The following ABTB2 variants were observed in gnomAD, a reference collection of about 807,000 sequenced individuals.
ABTB2 encodes ankyrin repeat and BTB domain containing 2.
In ABTB2, 56 loss-of-function variants were observed where a neutral mutation model predicts 104.1. The ratio of observed to expected loss-of-function variants is 0.54; its 90% confidence interval spans 0.43 to 0.67. ABTB2 has a LOEUF of 0.67. Ranked by LOEUF, ABTB2 falls within the 30% of genes least tolerant of loss-of-function variation. The pLI, the probability that ABTB2 is intolerant of heterozygous loss-of-function variation, is 0.00. For synonymous variants in ABTB2, 606 were observed against 608.2 expected, an observed-to-expected ratio of 1.00 and a Z score of 0.05; for missense variants, 1,279 against 1,407.7, an observed-to-expected ratio of 0.91 and a Z score of 1.46.
At chr11:34,298,569 T>G (rs1375929642) in intron 1 of ABTB2, among the ~76,000 whole-genome samples, 3 of 152,116 alleles carry the variant, frequency 2.0e-5, no homozygotes, top group Non-Finnish European at 4.4e-5. Context: ...TTCAAACGAT[T>G]CTTGTGCCTC....
chr11:34,233,650 C>T (rs2955947), intron 1 of ABTB2, among the ~76,000 whole-genome samples: 143,723 of 151,672 alleles, frequency 0.95, 68,291 homozygotes, highest in East Asian at 1. Flanking sequence ...GTACCTGGCC[C>T]ACCTTTTTTT....
intron 1 of ABTB2, among the ~76,000 whole-genome samples, chr11:34,282,416 T>C (rs1422171484): frequency 6.6e-6 from 1 of 152,194 alleles, no homozygotes; most frequent in Admixed American, 6.5e-5. Flanking sequence ...TAAAATAGTA[T>C]TAAAAGTGAG....
chr11:34,333,936 T>C (rs138449749), intron 1 of ABTB2, among the ~76,000 whole-genome samples: 96 of 149,870 alleles, frequency 6.4e-4, no homozygotes, highest in African/African-American at 2.3e-3. Context: ...ACCCAGATGC[T>C]GGGATCTGCA....
intron 3 of ABTB2, among the ~76,000 whole-genome samples, chr11:34,184,165 G>A (rs1354477449): frequency 2.0e-5 from 3 of 151,956 alleles, no homozygotes; most frequent in East Asian, 3.9e-4. Flanking sequence ...GCACTCTCAC[G>A]AAAGGGGGAG....
intron 1 of ABTB2, among the ~76,000 whole-genome samples, chr11:34,284,946 C>A (rs923772703): frequency 6.6e-6 from 1 of 152,204 alleles, no homozygotes; most frequent in Non-Finnish European, 1.5e-5. Context: ...AGCCCAGGAC[C>A]CTGGCCAGTC....
chr11:34,294,768 T>C (rs1228148172), intron 1 of ABTB2, among the ~76,000 whole-genome samples: 1 of 129,810 alleles, frequency 7.7e-6, no homozygotes, highest in Non-Finnish European at 1.6e-5. Context: ...CAGGCTGGAA[T>C]GCAGTGGTGC....
At chr11:34,254,031 C>T (rs533439530) in intron 1 of ABTB2, among the ~76,000 whole-genome samples, 60 of 152,230 alleles carry the variant, frequency 3.9e-4, no homozygotes, top group African/African-American at 1.4e-3. Flanking sequence ...TGTAACAGTA[C>T]CCACAGCTTA....
In ABTB2 at chr11:34,152,324, C is replaced by CCCCG. The variant is rs1852553583; in HGVS notation, c.*59_*62dup. On this transcript the variant is annotated 3_prime_UTR_variant, in exon 17 of 17. Coordinates refer to ENST00000435224, the MANE Select transcript of ABTB2 (RefSeq NM_145804.3). ...GGCTCCAAGAGGGCCTACAACCATA[C>CCCCG]CCCGACATGGTGGGCCCTGGCACCT... The CCCCG allele has an allele frequency of 2.0e-6, 3 of 1,503,656 alleles. No individual in the cohort carries two copies. In the Admixed American group the frequency reaches 6.0e-5, roughly 30 times the overall value. 93.1% of individuals were successfully genotyped at this position (1,503,656 alleles called of 1,614,324 possible).
chr11:34,192,853 C>G (rs1238652356), intron 3 of ABTB2, among the ~76,000 whole-genome samples: 1 of 152,204 alleles, frequency 6.6e-6, no homozygotes, highest in African/African-American at 2.4e-5. Context: ...CGACCTCAGG[C>G]CCTCTGCACC....
chr11:34,310,826 T>TCTCA (rs1297033025), intron 1 of ABTB2, among the ~76,000 whole-genome samples: 1 of 151,290 alleles, frequency 6.6e-6, no homozygotes, highest in African/African-American at 2.4e-5. Context: ...GTCACCTGCA[T>TCTCA]CTCATATCCT....
chr11:34,178,550 C>T (rs1852984606), intron 3 of ABTB2, among the ~76,000 whole-genome samples: 2 of 152,238 alleles, frequency 1.3e-5, no homozygotes, highest in African/African-American at 2.4e-5. Flanking sequence ...GCACCATCCT[C>T]AAGATCCCAA....
intron 1 of ABTB2, among the ~76,000 whole-genome samples, chr11:34,223,140 C>A (rs115878609): frequency 5.3e-5 from 8 of 152,118 alleles, no homozygotes; most frequent in African/African-American, 1.7e-4. Context: ...CATGGACAAG[C>A]GGAGAGTGAG....
intron 10 of ABTB2, 119 bp from the exon 11 acceptor site, chr11:34,161,200 G>T (rs1041580851): frequency 9.8e-6 from 10 of 1,020,688 alleles, no homozygotes; most frequent in African/African-American, 1.9e-5. Context: ...AGAGCACCCC[G>T]CCCGCCCCCT....
intron 2 of ABTB2, among the ~76,000 whole-genome samples, chr11:34,204,023 G>A (rs1202807061): frequency 6.6e-6 from 1 of 152,242 alleles, no homozygotes; most frequent in South Asian, 2.1e-4. Context: ...GCCACATCAA[G>A]TTCCAAGTGT....
At position 34,336,031 on chromosome 11, in the gene ABTB2, A is replaced by G. The variant is rs551029984; in HGVS notation, c.883+20670T>C. 8.5e-5 allele frequency: 38 copies of G among 445,630 alleles called. 1 individual carries two copies. In the South Asian group the frequency reaches 1.3e-3, roughly 15 times the overall value. The allele number at this position is 445,630 out of a possible 1,614,324, so 27.6% of individuals were successfully genotyped here. A position where few individuals can be genotyped will look rare whatever the true frequency, so the allele number is the denominator to read the frequency against. ...TACTGGAGGGGACAGTTCACTAAATAGCTTTCCTTTGGTAAAGTTATTCCA... is the reference window on the plus strand; with the variant it reads ...TACTGGAGGGGACAGTTCACTAAATGGCTTTCCTTTGGTAAAGTTATTCCA... On this transcript the variant is annotated intron_variant, in intron 1 of 16. Coordinates refer to ENST00000435224, the MANE Select transcript of ABTB2 (RefSeq NM_145804.3).
At chr11:34,306,338 C>A (rs1854771654) in intron 1 of ABTB2, among the ~76,000 whole-genome samples, 1 of 143,468 alleles carries the variant, frequency 7.0e-6, no homozygotes, top group Non-Finnish European at 1.5e-5. Context: ...CCTCTGCTTC[C>A]CAGGTTCCAG....
At chr11:34,254,853 A>T (rs1854102231) in intron 1 of ABTB2, among the ~76,000 whole-genome samples, 1 of 151,722 alleles carries the variant, frequency 6.6e-6, no homozygotes. Context: ...TGTATTTTTA[A>T]TAGAGACAGT....
At position 34,310,288 on chromosome 11, in the gene ABTB2, T is replaced by C. The variant is rs115426848; in HGVS notation, c.883+46413A>G. On this transcript the variant is annotated intron_variant, in intron 1 of 16. Coordinates refer to ENST00000435224, the MANE Select transcript of ABTB2 (RefSeq NM_145804.3). ...CCACAGATACCCTAAACTTGGCCCC[T>C]GTCCTGTGTCTCTCCCTCTCTCAAT... Among the ~76,000 whole-genome samples, 558 of 152,314 alleles carry C rather than the reference T, an allele frequency of 3.7e-3. 2 individuals carry two copies. Among genetic ancestry groups the C allele is most frequent in the African/African-American group, 0.012 (482 of 41,566 alleles).
chr11:34,159,538 A>G, intron 13 of ABTB2, 152 bp from the exon 14 acceptor site: 2 of 643,676 alleles, frequency 3.1e-6, no homozygotes, highest in Non-Finnish European at 5.5e-6. Flanking sequence ...AGCAAGTGCC[A>G]TTTTACACCA....
Sources: allele counts gnomAD v4.1 joint callset (sites outside exome capture counted in the v4.1 genomes callset), GRCh38; gene constraint gnomAD v4.1.1; transcripts MANE v1.5; gene names NCBI Gene and HGNC (gene_info 2026-07-23, HGNC 2026-07-21).